LARS2: variants seen among roughly 807,000 people sequenced by gnomAD.
The protein encoded by LARS2 is leucyl-tRNA synthetase 2, mitochondrial.
A neutral mutation model predicts 116.6 loss-of-function variants in LARS2; 81 were observed. That is an observed-to-expected ratio of 0.69 (90% CI 0.58 to 0.84). The LOEUF is 0.84. Among genes scored for constraint, LARS2 ranks in the 40% least tolerant of loss-of-function variants. The pLI is 0.00. For synonymous variants in LARS2, 396 were observed against 407.2 expected (o/e 0.97, Z 0.33); for missense variants, 968 against 1,114.5 (o/e 0.87, Z 1.87).
Position 45,500,565 on chromosome 3 carries a change from A to C in LARS2, c.1746A>C (p.Lys582Asn), listed in dbSNP as rs759645266. 6.4e-7 allele frequency: 1 copy of C among 1,569,112 alleles called. No homozygotes were observed. ...TTAGTCATTTTTGCCATGATCAAAA[A>C]ATGGTTAAACATAGGTAAGCACTTA... ...RFFSHFCHDQ[K>N]MVKHREPFHK... Residue 582 changes from lysine to asparagine, a missense_variant, in exon 15 of 22, where the codon AAA (lysine) becomes AAC (asparagine). Physicochemically the swap from Lys to Asn is moderately conservative, Grantham distance 94 (BLOSUM62 0). Coordinates refer to ENST00000645846, the MANE Select transcript of LARS2 (RefSeq NM_015340.4).
At chr3:45,458,054 C>A (rs1699242494) in intron 7 of LARS2, among the ~76,000 whole-genome samples, 1 of 152,106 alleles carries the variant, frequency 6.6e-6, no homozygotes. Flanking sequence ...GAGTATGTAA[C>A]TGTAAAAATG....
Position 45,446,954 on chromosome 3 carries a change from G to A in LARS2, c.580G>A (p.Glu194Lys). ...WTQYLFIKLYEAGLAYQKEAL... is the reference protein window; with the variant it reads ...WTQYLFIKLYKAGLAYQKEAL... ...TCAGTATCTCTTTATTAAACTGTATGAGGCTGGGCTGGCCTATCAAAAGGA... is the reference window on the plus strand; with the variant it reads ...TCAGTATCTCTTTATTAAACTGTATAAGGCTGGGCTGGCCTATCAAAAGGA... Residue 194 changes from glutamate to lysine, a missense_variant, in exon 7 of 22, where the codon GAG becomes AAG. Physicochemically the swap from Glu to Lys is moderately conservative, Grantham distance 56. Transcript: ENST00000645846. 2 of 1,607,980 alleles carry A rather than the reference G, an allele frequency of 1.2e-6. No homozygotes were observed. Among genetic ancestry groups the A allele is most frequent in the African/African-American group, 1.3e-5 (1 of 74,776 alleles).
At position 45,458,743 on chromosome 3, in the gene LARS2, G is replaced by T; in HGVS notation, c.607G>T (p.Ala203Ser). 1 of 1,614,074 alleles carries T rather than the reference G, an allele frequency of 6.2e-7. No homozygotes were observed. The highest frequency in any genetic ancestry group is 8.5e-7 in the Non-Finnish European group (1 of 1,179,978). ...CCATTTTGTTTCATGAATTATACAGGCCCTGGTTAACTGGGACCCAGTGGA... is the reference window on the plus strand; with the variant it reads ...CCATTTTGTTTCATGAATTATACAGTCCCTGGTTAACTGGGACCCAGTGGA... Reference protein sequence around the residue: ...YEAGLAYQKEALVNWDPVDQT... With the variant: ...YEAGLAYQKESLVNWDPVDQT... The change falls in exon 8 of 22, where the codon GCC (alanine) becomes TCC (serine). Residue 203 changes from alanine to serine, a missense_variant and splice_region_variant. By Grantham distance (99) the Ala-to-Ser change is moderately conservative (BLOSUM62 1). Coordinates refer to ENST00000645846, the MANE Select transcript of LARS2 (RefSeq NM_015340.4).
chr3:45,483,894 CTA>C (rs1699747124), intron 10 of LARS2: 2 of 152,056 alleles, frequency 1.3e-5, no homozygotes, highest in Non-Finnish European at 1.5e-5. Context: ...GAATCTGTCA[CTA>C]CTCTTTGAGA....
intron 17 of LARS2, 43 bp from the exon 18 acceptor site, chr3:45,517,860 T>G: frequency 6.5e-7 from 1 of 1,542,594 alleles, no homozygotes; most frequent in East Asian, 2.2e-5. Context: ...ATCACCCTTA[T>G]GTTGCACGCT....
At chr3:45,533,887 C>T (rs1700660767) in intron 20 of LARS2, among the ~76,000 whole-genome samples, 1 of 152,216 alleles carries the variant, frequency 6.6e-6, no homozygotes, top group Admixed American at 6.5e-5. Flanking sequence ...CACGTCACCC[C>T]ACTGGGGCTT....
chr3:45,537,775 T>A (rs1700729799), intron 20 of LARS2, among the ~76,000 whole-genome samples: 1 of 152,198 alleles, frequency 6.6e-6, no homozygotes, highest in Admixed American at 6.5e-5. Flanking sequence ...AGGAGAGGAC[T>A]GCCATCCACA....
chr3:45,455,874 T>C (rs1699205386), intron 7 of LARS2, among the ~76,000 whole-genome samples: 1 of 152,098 alleles, frequency 6.6e-6, no homozygotes, highest in Non-Finnish European at 1.5e-5. Context: ...GACAGTGTGC[T>C]AAATGAAATA....
intron 20 of LARS2, among the ~76,000 whole-genome samples, chr3:45,531,280 G>A (rs1036059285): frequency 6.6e-6 from 1 of 152,056 alleles, no homozygotes; most frequent in African/African-American, 2.4e-5. Context: ...TAATCTAATA[G>A]ATTAATCCAA....
intron 21 of LARS2, among the ~76,000 whole-genome samples, chr3:45,543,817 A>C (rs1250568315): frequency 1.3e-5 from 2 of 152,240 alleles, no homozygotes; most frequent in South Asian, 2.1e-4. Context: ...TAAATAGCTC[A>C]TGCATCCCTG....
chr3:45,420,145 G>A (rs1279749714), intron 6 of LARS2, among the ~76,000 whole-genome samples: 1 of 152,204 alleles, frequency 6.6e-6, no homozygotes, highest in East Asian at 1.9e-4. Flanking sequence ...GCTCATAACA[G>A]CCCATAATTA....
At chr3:45,459,485 G>A (rs1238774952) in intron 8 of LARS2, among the ~76,000 whole-genome samples, 1 of 152,178 alleles carries the variant, frequency 6.6e-6, no homozygotes, top group Non-Finnish European at 1.5e-5. Context: ...TGGTTCTTGG[G>A]CCTTAGTTTT....
Position 45,453,428 on chromosome 3 carries a change from A to C in LARS2, c.607-5315A>C, listed in dbSNP as rs9869611. 2.8e-3 allele frequency among the ~76,000 whole-genome samples: 433 copies of C among 152,356 alleles called. 6 individuals are homozygous for C. Among genetic ancestry groups the C allele is most frequent in the African/African-American group, 9.9e-3 (410 of 41,582 alleles). On this transcript the variant is annotated intron_variant, in intron 7 of 21. Coordinates refer to ENST00000645846, the MANE Select transcript of LARS2 (RefSeq NM_015340.4). ...GGAATGAGGGCGAGTCCCCTAATTT[A>C]TGAGTCTGTCTTTAGCTGTCTACAT...
rs548479900 is a variant in LARS2, at chr3:45,477,618, G to C, written c.1018+991G>C. Among the ~76,000 whole-genome samples, 6 of 152,092 alleles carry C rather than the reference G, an allele frequency of 3.9e-5. No homozygotes were observed. In the South Asian group the frequency reaches 1.2e-3, roughly 32 times the overall value. On this transcript the variant is annotated intron_variant, in intron 10 of 21. Transcript: ENST00000645846. ...ACCAGATAAGGGGATATGAAGCCTG[G>C]GTAGACAAAAAGAAATCCATTCTAA...
rs769192897 is a variant in LARS2, at chr3:45,417,511, T to C, written c.393T>C (p.Phe131=). 3.1e-6 allele frequency: 5 copies of C among 1,614,080 alleles called. No homozygotes were observed. Among genetic ancestry groups the C allele is most frequent in the Non-Finnish European group, 4.2e-6 (5 of 1,180,012 alleles). ...QVINPMGWDA[F]GLPAENAAVE... ...TCAACCCCATGGGATGGGATGCTTTTGGATTGCCTGCTGAAAATGCCGCAG... is the reference window on the plus strand; with the variant it reads ...TCAACCCCATGGGATGGGATGCTTTCGGATTGCCTGCTGAAAATGCCGCAG... Residue 131 remains phenylalanine, a synonymous_variant, in exon 5 of 22, where the codon TTT becomes TTC. Coordinates refer to ENST00000645846, the MANE Select transcript of LARS2 (RefSeq NM_015340.4).
chr3:45,389,207 G>A (rs1697896080), intron 1 of LARS2: 1 of 151,144 alleles, frequency 6.6e-6, no homozygotes, highest in Admixed American at 6.6e-5. Context: ...TTTCTTTTGA[G>A]TGTTGTACAC....
At position 45,443,082 on chromosome 3, in the gene LARS2, A is replaced by G. The variant is rs919060466; in HGVS notation, c.517-3809A>G. Reference sequence around the variant, plus strand: ...TGTGACAAACAAAAATGTCTCCAGTATTTGCCAGATGGTCTCTGGGGAACA... The same window carrying G: ...TGTGACAAACAAAAATGTCTCCAGTGTTTGCCAGATGGTCTCTGGGGAACA... On this transcript the variant is annotated intron_variant, in intron 6 of 21. Coordinates refer to ENST00000645846, the MANE Select transcript of LARS2 (RefSeq NM_015340.4). Among the ~76,000 whole-genome samples the G allele has an allele frequency of 2.6e-5, 4 of 152,174 alleles. 1 individual carries two copies. The highest frequency in any genetic ancestry group is 6.5e-5 in the Admixed American group (1 of 15,282).
Position 45,549,149 on chromosome 3 carries a change from T to C in LARS2, c.*1619T>C, listed in dbSNP as rs1575326628. 2 of 152,250 alleles carry C rather than the reference T, an allele frequency of 1.3e-5. No homozygotes were observed. The highest frequency in any genetic ancestry group is 2.9e-5 in the Non-Finnish European group (2 of 68,040). 9.4% of individuals were successfully genotyped at this position (152,250 alleles called of 1,614,324 possible). A position where few individuals can be genotyped will look rare whatever the true frequency, so the allele number is the denominator to read the frequency against. The stretch of plus-strand genomic sequence containing the variant: ...GTGTGGCTTGAACACCAGGAATCTT[T>C]AAAACTCCACAAGTGATTCTAATGG... On this transcript the variant is annotated 3_prime_UTR_variant, in exon 22 of 22. Transcript: ENST00000645846.
chr3:45,395,058 G>A (rs1425246007), intron 3 of LARS2, among the ~76,000 whole-genome samples: 1 of 152,208 alleles, frequency 6.6e-6, no homozygotes, highest in Non-Finnish European at 1.5e-5. Flanking sequence ...AGCTCTACCA[G>A]ATGATGGGTC....
Sources: gnomAD v4.1 joint callset for allele counts (sites outside exome capture counted in the v4.1 genomes callset) on GRCh38, gnomAD v4.1.1 for gene constraint, MANE v1.5 for transcripts, NCBI Gene and HGNC (gene_info 2026-07-23, HGNC 2026-07-21) for gene names.